RBFOX1: variants seen among roughly 807,000 people sequenced by gnomAD.
The protein encoded by RBFOX1 is RNA binding protein fox-1 homolog 1.
A neutral mutation model predicts 57.7 loss-of-function variants in RBFOX1; 8 were observed. That is an observed-to-expected ratio of 0.14 (90% CI 0.08 to 0.25). The LOEUF is 0.25. RBFOX1 is among the 10% of genes least tolerant of loss of function. The pLI is 1.00. For missense variants in RBFOX1, 611 were observed against 548.5 expected, an observed-to-expected ratio of 1.11 and a Z score of -1.14; for synonymous variants, 326 against 222.4, an observed-to-expected ratio of 1.47 and a Z score of -4.15.
intron 1 of RBFOX1, among the ~76,000 whole-genome samples, chr16:5,426,794 A>G (rs2067574259): frequency 6.6e-6 from 1 of 152,188 alleles, no homozygotes; most frequent in Non-Finnish European, 1.5e-5. Context: ...AGTGCTGGCT[A>G]CCATTAAATA....
At chr16:6,458,162 G>T (rs559483798) in intron 2 of RBFOX1, among the ~76,000 whole-genome samples, 6 of 152,134 alleles carry the variant, frequency 3.9e-5, no homozygotes, top group African/African-American at 1.4e-4. Flanking sequence ...GTGCAAACAC[G>T]GCCCCTCCCT....
At chr16:6,263,369 A>G (rs905266310) in intron 1 of RBFOX1, among the ~76,000 whole-genome samples, 7 of 152,092 alleles carry the variant, frequency 4.6e-5, no homozygotes, top group African/African-American at 1.4e-4. Flanking sequence ...AATGATATCT[A>G]TGTTTTCACG....
At chr16:6,077,190 A>G (rs184526896) in intron 1 of RBFOX1, among the ~76,000 whole-genome samples, 24 of 152,244 alleles carry the variant, frequency 1.6e-4, no homozygotes, top group African/African-American at 5.5e-4. Flanking sequence ...CTTGCAACAT[A>G]TTGCATTTCA....
intron 3 of RBFOX1, among the ~76,000 whole-genome samples, chr16:5,606,067 T>A (rs1204796138): frequency 6.6e-6 from 1 of 152,200 alleles, no homozygotes; most frequent in African/African-American, 2.4e-5. Flanking sequence ...GCCCGTGGCA[T>A]GTCTCTAGTT....
chr16:7,343,187 C>G (rs1250154139), intron 4 of RBFOX1, among the ~76,000 whole-genome samples: 1 of 152,216 alleles, frequency 6.6e-6, no homozygotes, highest in Non-Finnish European at 1.5e-5. Context: ...TAGCTCCCAT[C>G]TGTCAGTGCC....
intron 4 of RBFOX1, among the ~76,000 whole-genome samples, chr16:7,328,208 G>A (rs1033920863): frequency 2.6e-5 from 4 of 152,214 alleles, no homozygotes; most frequent in Non-Finnish European, 4.4e-5. Context: ...GGTTCTGGGC[G>A]CGGTGGCTCA....
At chr16:5,328,576 A>T (rs1451917389) in intron 1 of RBFOX1, among the ~76,000 whole-genome samples, 2 of 152,220 alleles carry the variant, frequency 1.3e-5, no homozygotes, top group African/African-American at 2.4e-5. Context: ...CTTCTGGGTC[A>T]TTTGAGTCAA....
At chr16:7,349,815 G>C (rs1213073834) in intron 4 of RBFOX1, among the ~76,000 whole-genome samples, 1 of 152,162 alleles carries the variant, frequency 6.6e-6, no homozygotes, top group Non-Finnish European at 1.5e-5. Flanking sequence ...AAATAACCAG[G>C]AGAATATCAG....
intron 3 of RBFOX1, among the ~76,000 whole-genome samples, chr16:6,828,564 G>T (rs899958973): frequency 3.3e-5 from 5 of 151,746 alleles, no homozygotes; most frequent in African/African-American, 9.7e-5. Flanking sequence ...ATGACTAGAG[G>T]CTGTGGGCTG....
chr16:6,500,384 A>G (rs2095876428), intron 2 of RBFOX1, among the ~76,000 whole-genome samples: 1 of 152,150 alleles, frequency 6.6e-6, no homozygotes, highest in African/African-American at 2.4e-5. Context: ...AGAGCTTCTC[A>G]CTAGAGGATA....
rs1167051631 is a variant in RBFOX1 at position 7,504,747 on chromosome 16, A to ATATATATT, written c.28-13392_28-13385dup. Among the ~76,000 whole-genome samples, 3 of 12,396 alleles carry ATATATATT rather than the reference A, an allele frequency of 2.4e-4. No homozygotes were observed. In the Admixed American group the frequency reaches 3.3e-3, roughly 14 times the overall value. 8.1% of individuals were successfully genotyped at this position (12,396 alleles called of 152,430 possible). On this transcript the variant is annotated intron_variant, in intron 4 of 15. Coordinates refer to ENST00000550418, the MANE Select transcript of RBFOX1 (RefSeq NM_018723.4). ...TATATATATATATATATATATATATATATATATTTATATATATATATATTT... is the reference window on the plus strand; with the variant it reads ...TATATATATATATATATATATATATATATATATTTATATATTTATATATATATATATTT...
chr16:5,313,638 A>G lies in RBFOX1; in HGVS notation c.219+73533A>G, dbSNP rs146180265. 1.4e-3 allele frequency among the ~76,000 whole-genome samples: 207 copies of G among 152,286 alleles called. 1 individual carries two copies. The Middle Eastern group carries it at 0.02, about 15-fold the overall frequency. ...GTGGAAGGCAAGGAGGAGCAAGGCT[A>G]TGTCTTACATGGATGGCGGCAGACA... is the stretch of plus-strand genomic sequence containing the variant. On this transcript the variant is annotated intron_variant, in intron 1 of 2. Transcript: ENST00000585867.
At chr16:5,873,747 C>T (rs78936670) in intron 4 of RBFOX1, among the ~76,000 whole-genome samples, 19,264 of 152,128 alleles carry the variant, frequency 0.13, 1,657 homozygotes, top group Non-Finnish European at 0.18. Flanking sequence ...CCCCATAAGG[C>T]TTCCTACATA....
intron 2 of RBFOX1, among the ~76,000 whole-genome samples, chr16:6,535,085 T>G (rs1338614953): frequency 6.6e-6 from 1 of 152,156 alleles, no homozygotes; most frequent in African/African-American, 2.4e-5. Flanking sequence ...GGACCATGGT[T>G]GGGATGAGAT....
intron 4 of RBFOX1, among the ~76,000 whole-genome samples, chr16:7,146,025 G>A (rs575074905): frequency 6.6e-6 from 1 of 152,322 alleles, no homozygotes; most frequent in East Asian, 1.9e-4. Context: ...GGGGCTAAGA[G>A]TGCTGTGATT....
At chr16:6,879,094 TAA>T (rs2062402017) in intron 3 of RBFOX1, among the ~76,000 whole-genome samples, 1 of 152,178 alleles carries the variant, frequency 6.6e-6, no homozygotes, top group African/African-American at 2.4e-5. Context: ...GCCAATGAGC[TAA>T]TAGCTTGAAT....
chr16:7,606,357 G>A (rs938030119), intron 9 of RBFOX1, among the ~76,000 whole-genome samples: 3 of 151,926 alleles, frequency 2.0e-5, no homozygotes, highest in African/African-American at 7.3e-5. Context: ...TCCTGACCTC[G>A]TGATCTCCCT....
intron 3 of RBFOX1, among the ~76,000 whole-genome samples, chr16:5,809,724 G>A (rs1032020238): frequency 6.6e-6 from 1 of 152,196 alleles, no homozygotes; most frequent in African/African-American, 2.4e-5. Context: ...TACACTGTTG[G>A]TGGGACAGTA....
At chr16:5,586,637 C>T (rs541526907) in intron 2 of RBFOX1, among the ~76,000 whole-genome samples, 1 of 152,312 alleles carries the variant, frequency 6.6e-6, no homozygotes, top group South Asian at 2.1e-4. Flanking sequence ...GCTGGGGCTA[C>T]AGGCATGTGC....
Sources: allele counts gnomAD v4.1 joint callset (sites outside exome capture counted in the v4.1 genomes callset), GRCh38; gene constraint gnomAD v4.1.1; transcripts MANE v1.5; gene names NCBI Gene and HGNC (gene_info 2026-07-23, HGNC 2026-07-21).